The following NUMB variants were observed in gnomAD, a reference collection of about 807,000 sequenced individuals.
NUMB encodes protein numb homolog.
Under a neutral mutation model 59.7 loss-of-function variants are expected in NUMB, and 29 were observed. That is an observed-to-expected ratio of 0.49 (90% CI 0.36 to 0.66). The LOEUF (loss-of-function observed/expected upper bound fraction) is 0.66. Ranked by LOEUF, NUMB falls within the 30% of genes least tolerant of loss-of-function variation. The probability of loss-of-function intolerance (pLI) is 0.00; values close to 1 mark genes in which losing one functional copy is unlikely to be tolerated. For synonymous variants in NUMB, 288 were observed against 288.2 expected (o/e 1.00, Z 0.01); for missense variants, 723 against 822.0 (o/e 0.88, Z 1.47).
intron 2 of NUMB, among the ~76,000 whole-genome samples, chr14:73,374,096 CT>C (rs1316781981): frequency 1.3e-5 from 2 of 152,126 alleles, no homozygotes; most frequent in Non-Finnish European, 2.9e-5. Context: ...TCTCGAACCC[CT>C]GACCTTAGGT....
At chr14:73,294,772 G>C (rs948773968) in intron 7 of NUMB, among the ~76,000 whole-genome samples, 2 of 146,724 alleles carry the variant, frequency 1.4e-5, no homozygotes, top group Non-Finnish European at 3.0e-5. Flanking sequence ...ACCCGCCTTG[G>C]CCTCCCAAAG....
intron 3 of NUMB, among the ~76,000 whole-genome samples, chr14:73,360,982 G>A (rs957398881): frequency 1.3e-4 from 19 of 151,868 alleles, no homozygotes; most frequent in Admixed American, 2.0e-4. Flanking sequence ...TCAACCTCCC[G>A]GGCTCAAGCG....
At chr14:73,317,295 G>C (rs1397170818) in intron 5 of NUMB, among the ~76,000 whole-genome samples, 1 of 137,930 alleles carries the variant, frequency 7.3e-6, no homozygotes, top group Non-Finnish European at 1.6e-5. Flanking sequence ...TTATTATTTG[G>C]TTTTTGTTTG....
At chr14:73,390,129 C>A (rs1197733618) in intron 2 of NUMB, among the ~76,000 whole-genome samples, 1 of 151,994 alleles carries the variant, frequency 6.6e-6, no homozygotes, top group African/African-American at 2.4e-5. Context: ...TATAAGTACA[C>A]AAAGGTAAAT....
At chr14:73,344,331 T>C (rs150900567) in intron 4 of NUMB, among the ~76,000 whole-genome samples, 1 of 152,282 alleles carries the variant, frequency 6.6e-6, no homozygotes, top group East Asian at 1.9e-4. Flanking sequence ...CTCTGAGAAA[T>C]ACTGAAATAA....
chr14:73,386,230 C>T (rs1044450119), intron 2 of NUMB, among the ~76,000 whole-genome samples: 2 of 152,136 alleles, frequency 1.3e-5, no homozygotes, highest in African/African-American at 4.8e-5. Context: ...GCCTGGGCAA[C>T]ATAGTGAGAT....
intron 8 of NUMB, among the ~76,000 whole-genome samples, chr14:73,292,291 C>G (rs1327421809): frequency 1.3e-5 from 2 of 152,190 alleles, no homozygotes; most frequent in East Asian, 3.9e-4. Context: ...CTCAAGTGAT[C>G]TTCCTGCCCT....
At chr14:73,423,532 T>G (rs566627309) in intron 1 of NUMB, among the ~76,000 whole-genome samples, 1 of 151,870 alleles carries the variant, frequency 6.6e-6, no homozygotes, top group East Asian at 1.9e-4. Context: ...ATCCCAGCTC[T>G]TGGGAGGCTG....
intron 1 of NUMB, among the ~76,000 whole-genome samples, chr14:73,451,172 A>C (rs1175255833): frequency 6.7e-5 from 8 of 119,172 alleles, no homozygotes; most frequent in Non-Finnish European, 1.2e-4. Context: ...AAAAAAAAAA[A>C]AACAAAAAAC....
intron 2 of NUMB, among the ~76,000 whole-genome samples, chr14:73,373,163 C>G (rs1337945079): frequency 6.6e-6 from 1 of 152,186 alleles, no homozygotes; most frequent in African/African-American, 2.4e-5. Flanking sequence ...ACCAACACCC[C>G]ACCCAGGCCC....
intron 1 of NUMB, among the ~76,000 whole-genome samples, chr14:73,414,606 G>T (rs1269763304): frequency 4.6e-5 from 7 of 152,072 alleles, no homozygotes; most frequent in African/African-American, 1.7e-4. Flanking sequence ...GGCTAGTCTT[G>T]AACTCCTGAG....
At chr14:73,378,281 A>G (rs1221185561) in intron 2 of NUMB, among the ~76,000 whole-genome samples, 3 of 152,216 alleles carry the variant, frequency 2.0e-5, no homozygotes, top group African/African-American at 7.2e-5. Context: ...CAGCAACAGG[A>G]ATCCCTCATT....
chr14:73,297,211 C>A lies in NUMB; in HGVS notation c.309G>T (p.Lys103Asn). ...TCAAAATAAAAATAAAGAATCTTAC[C>A]TTAGTTTTTTCATCCACAACTCTGA... Reference protein sequence around the residue: ...DGLRVVDEKTKDLIVDQTIEK... With the variant: ...DGLRVVDEKTNDLIVDQTIEK... Residue 103 changes from lysine (K) to asparagine (N), a missense_variant and splice_region_variant, in exon 7 of 13, where the codon AAG (lysine) becomes AAT (asparagine). This residue lies in a region of NUMB where 317 missense variants were observed against 436.6 expected (regional missense o/e 0.73). Transcript: ENST00000555238. The A allele has an allele frequency of 1.3e-6, 2 of 1,568,194 alleles. No homozygotes were observed. Among genetic ancestry groups the A allele is most frequent in the Non-Finnish European group, 1.8e-6 (2 of 1,141,288 alleles).
chr14:73,396,321 G>GGTGTGTGTGTGTGTGTGTGTGT (rs200195176), intron 2 of NUMB, among the ~76,000 whole-genome samples: 2 of 144,220 alleles, frequency 1.4e-5, no homozygotes, highest in Non-Finnish European at 3.1e-5. Context: ...AATTATTAGG[G>GGTGTGTGTGTGTGTGTGTGTGT]GTGTGTGTGT....
chr14:73,384,803 C>G (rs551535317), intron 2 of NUMB, among the ~76,000 whole-genome samples: 1 of 151,804 alleles, frequency 6.6e-6, no homozygotes, highest in Non-Finnish European at 1.5e-5. Context: ...GTCTTGAACT[C>G]TGGAGCTCAA....
intron 1 of NUMB, among the ~76,000 whole-genome samples, chr14:73,429,529 T>C (rs1306078420): frequency 6.6e-6 from 1 of 152,210 alleles, no homozygotes; most frequent in Non-Finnish European, 1.5e-5. Context: ...TGCCAAATCA[T>C]ATGCCATTGT....
intron 1 of NUMB, among the ~76,000 whole-genome samples, chr14:73,434,820 T>C (rs942021341): frequency 6.6e-6 from 1 of 152,160 alleles, no homozygotes; most frequent in Non-Finnish European, 1.5e-5. Flanking sequence ...TATTAACCAA[T>C]AGCAAATATT....
intron 2 of NUMB, among the ~76,000 whole-genome samples, chr14:73,369,631 A>G (rs1029481656): frequency 6.6e-6 from 1 of 152,108 alleles, no homozygotes; most frequent in African/African-American, 2.4e-5. Flanking sequence ...ATCTCTTCCC[A>G]CCTCCAAAAG....
chr14:73,324,774 G>A (rs1026706489), intron 4 of NUMB, among the ~76,000 whole-genome samples: 1 of 152,142 alleles, frequency 6.6e-6, no homozygotes, highest in Non-Finnish European at 1.5e-5. Context: ...AACAGAAGAT[G>A]AATCAGAGTA....
Sources: allele counts gnomAD v4.1 joint callset (sites outside exome capture counted in the v4.1 genomes callset), GRCh38; gene constraint gnomAD v4.1.1; regional missense constraint gnomAD v4.1.1; transcripts MANE v1.5; gene names NCBI Gene and HGNC (gene_info 2026-07-23, HGNC 2026-07-21).